NOTCH4: variants seen among roughly 807,000 people sequenced by gnomAD.
NOTCH4 encodes neurogenic locus notch homolog protein 4.
NOTCH4 carries 138 observed loss-of-function variants against 189.0 expected under a neutral mutation model. The ratio of observed to expected loss-of-function variants is 0.73; its 90% confidence interval spans 0.64 to 0.84. The LOEUF (loss-of-function observed/expected upper bound fraction) is 0.84, where lower values mean the gene tolerates loss of function less well. Among genes scored for constraint, NOTCH4 ranks in the 40% least tolerant of loss-of-function variants. NOTCH4 has a pLI of 0.00. For synonymous variants in NOTCH4, 942 were observed against 1,032.8 expected (o/e 0.91, Z 1.69); for missense variants, 2,286 against 2,605.4 (o/e 0.88, Z 2.67).
rs776140208 is a variant in NOTCH4, at chr6:32,202,032, A to C, written c.3755+44T>G. ...CATCTACGTCCTTCCTCCTCCTCTC[A>C]CCCACCCCTCTCCTTCCCTGGCTCC... On this transcript the variant is annotated intron_variant, in intron 21 of 29. Transcript: ENST00000375023. This position sits in a 1 kb window ranked among gnomAD's most constrained non-coding sequence, Gnocchi z 5.7. The C allele has an allele frequency of 7.0e-7, 1 of 1,422,674 alleles. No homozygotes were observed. 88.1% of individuals were successfully genotyped at this position (1,422,674 alleles called of 1,614,324 possible).
rs890052894 is a variant in NOTCH4 at position 32,200,953 on chromosome 6, G to A, written c.4193C>T (p.Ala1398Val). The change falls in exon 23 of 30, where the codon GCA becomes GTA. Residue 1398 changes from alanine to valine, a missense_variant. This residue lies in a region of NOTCH4 where 1,903 missense variants were observed against 2,261.9 expected (regional missense o/e 0.84). Transcript: ENST00000375023. The surrounding 1 kb of genome is among the most constrained non-coding windows in gnomAD (Gnocchi z 5.0). ...DLSRCGPDHPASRCPWDPGLL... is the reference protein window; with the variant it reads ...DLSRCGPDHPVSRCPWDPGLL... ...CCCAGGGTCCCAGGGACAGCGGGATGCCGGGTGGTCAGGGCCACAGCGGGA... is the reference window on the plus strand; with the variant it reads ...CCCAGGGTCCCAGGGACAGCGGGATACCGGGTGGTCAGGGCCACAGCGGGA... The A allele has an allele frequency of 2.5e-6, 4 of 1,604,012 alleles. No homozygotes were observed. The highest frequency in any genetic ancestry group is 1.3e-5 in the African/African-American group (1 of 74,808).
In NOTCH4 at chr6:32,198,849, T is replaced by A. The variant is rs1582773281; in HGVS notation, c.4535+77A>T. 1 of 1,469,908 alleles carries A rather than the reference T, an allele frequency of 6.8e-7. No homozygotes were observed. The highest frequency in any genetic ancestry group is 2.3e-5 in the East Asian group (1 of 43,936). The allele number at this position is 1,469,908 out of a possible 1,614,324, so 91.1% of individuals were successfully genotyped here. On this transcript the variant is annotated intron_variant, in intron 24 of 29. Transcript: ENST00000375023. The surrounding 1 kb of genome is among the most constrained non-coding windows in gnomAD (Gnocchi z 5.5). Reference sequence around the variant, plus strand: ...CTATCTTTGACTTCTGCAATAGTATTTCTTATCTTTTCTGATTGTAAATAT... The same window carrying A: ...CTATCTTTGACTTCTGCAATAGTATATCTTATCTTTTCTGATTGTAAATAT...
In NOTCH4 at chr6:32,219,614, G is replaced by A. The variant is rs143705387; in HGVS notation, c.1488C>T (p.Thr496=). The part of the protein sequence containing the change: ...PGSTCLDLLA[T]FHCLCPPGLE... ...TACCTGGCGGGCAGAGGCAGTGGAA[G>A]GTGGCAAGTAGGTCCAGACAGGTGC... is the stretch of plus-strand genomic sequence containing the variant. The change falls in exon 8 of 30, where the codon ACC becomes ACT. Residue 496 remains threonine, a synonymous_variant. Transcript: ENST00000375023. The A allele has an allele frequency of 5.8e-4, 932 of 1,612,990 alleles. No individual in the cohort carries two copies. The highest frequency in any genetic ancestry group is 2.0e-3 in the African/African-American group (149 of 75,040).
chr6:32,218,973 C>T (rs1305143121), intron 8 of NOTCH4, among the ~76,000 whole-genome samples: 1 of 152,188 alleles, frequency 6.6e-6, no homozygotes. Context: ...GTAGATGAGA[C>T]AATGCCTGTA....
At position 32,201,583 on chromosome 6, in the gene NOTCH4, G is replaced by C. The variant is rs1788358030; in HGVS notation, c.3756-83C>G. 5.0e-6 allele frequency: 7 copies of C among 1,386,784 alleles called. No individual in the cohort carries two copies. Among genetic ancestry groups the C allele is most frequent in the Non-Finnish European group, 6.6e-6 (7 of 1,058,564 alleles). The allele number at this position is 1,386,784 out of a possible 1,614,324, so 85.9% of individuals were successfully genotyped here. On this transcript the variant is annotated intron_variant, in intron 21 of 29. Transcript: ENST00000375023. The surrounding 1 kb of genome is among the most constrained non-coding windows in gnomAD (Gnocchi z 5.5). ...CCCTAGAAAGAATTCCCCATATTTTGTGCCCTCTAGGGCTTTGGTTGCTAA... is the reference window on the plus strand; with the variant it reads ...CCCTAGAAAGAATTCCCCATATTTTCTGCCCTCTAGGGCTTTGGTTGCTAA...
Position 32,196,954 on chromosome 6 carries a change from T to TGG in NOTCH4, c.5169_5170dup (p.Gln1724ProfsTer22), listed in dbSNP as rs1182609047. On this transcript the variant is annotated frameshift_variant, in exon 28 of 30. Coordinates refer to ENST00000375023, the MANE Select transcript of NOTCH4 (RefSeq NM_004557.4). LOFTEE classifies it high-confidence loss of function. ...TTTATCTCTGGCCCCCACGTCTGCT[T>TGG]GGGCTGCAATCAGTTCTTCAACCAG... 6.2e-7 allele frequency: 1 copy of TGG among 1,612,884 alleles called. No individual in the cohort carries two copies. The highest frequency in any genetic ancestry group is 8.5e-7 in the Non-Finnish European group (1 of 1,180,036).
chr6:32,201,240 A>G lies in NOTCH4; in HGVS notation c.4016T>C (p.Val1339Ala). The G allele has an allele frequency of 1.2e-6, 2 of 1,612,948 alleles. No homozygotes were observed. The highest frequency in any genetic ancestry group is 1.7e-6 in the Non-Finnish European group (2 of 1,179,998). ...AGCCCGGGCCCCAGGATAGGGGTAC[A>G]CCATGTCCCTGCCATCACGATCCTT... is the stretch of plus-strand genomic sequence containing the variant. ...VRKDRDGRDM[V>A]YPYPGARAEE... The change falls in exon 22 of 30, where the codon GTG becomes GCG. Residue 1339 changes from valine (V) to alanine (A), a missense_variant. Around this residue, in one of 2 missense-constraint regions of NOTCH4, gnomAD observed 1,903 missense variants for 2,261.9 expected, o/e 0.84. Transcript: ENST00000375023. This position sits in a 1 kb window ranked among gnomAD's most constrained non-coding sequence, Gnocchi z 5.5.
At chr6:32,218,224 G>T in intron 8 of NOTCH4, 116 bp from the exon 9 acceptor site, 1 of 689,514 alleles carries the variant, frequency 1.5e-6, no homozygotes, top group Non-Finnish European at 2.6e-6. Context: ...CCCCCGAGGT[G>T]CTGTCTGCAT....
rs2127458163 is a variant in NOTCH4, at chr6:32,195,719, G to A, written c.5730C>T (p.Thr1910=). The A allele has an allele frequency of 2.5e-6, 4 of 1,612,834 alleles. No individual in the cohort carries two copies. Among genetic ancestry groups the A allele is most frequent in the Non-Finnish European group, 3.4e-6 (4 of 1,179,924 alleles). The stretch of plus-strand genomic sequence containing the variant: ...CTGCAGAAAACCTACGGCCGCGAGG[G>A]GTCGGGCCTCCTCCTGCTCCTACTC... The part of the protein sequence containing the change: ...LSGVGAGGGP[T]PRGRRFSAGM... The change falls in exon 30 of 30, where the codon ACC becomes ACT. Residue 1910 remains threonine (T), a synonymous_variant. Transcript: ENST00000375023. This position sits in a 1 kb window ranked among gnomAD's most constrained non-coding sequence, Gnocchi z 5.4.
rs112708318 is a variant in NOTCH4, at chr6:32,199,703, C to CAAAAAAAACA, written c.4316-559_4316-558insTGTTTTTTTT. On this transcript the variant is annotated intron_variant, in intron 23 of 29. Coordinates refer to ENST00000375023, the MANE Select transcript of NOTCH4 (RefSeq NM_004557.4). This position sits in a 1 kb window ranked among gnomAD's most constrained non-coding sequence, Gnocchi z 4.9. ...TGGGCGACAAGGCAAGACTCTGTCTCAAACAAAACAAAACAAAAACAAAAA... is the reference window on the plus strand; with the variant it reads ...TGGGCGACAAGGCAAGACTCTGTCTCAAAAAAAACAAAACAAAACAAAACAAAAACAAAAA... 4.5e-4 allele frequency among the ~76,000 whole-genome samples: 68 copies of CAAAAAAAACA among 150,608 alleles called. No individual in the cohort carries two copies. Among genetic ancestry groups the CAAAAAAAACA allele is most frequent in the Non-Finnish European group, 8.6e-4 (58 of 67,716 alleles).
rs1331335302 is a variant in NOTCH4, at chr6:32,212,903, C to T, written c.2447G>A (p.Arg816Lys). The T allele has an allele frequency of 6.4e-7, 1 of 1,562,212 alleles. No individual in the cohort carries two copies. Among genetic ancestry groups the T allele is most frequent in the African/African-American group, 1.4e-5 (1 of 73,732 alleles). ...GCTGTCCTGGCAGGTTGCCCTATTCCTACAGGGGCTGAACAAGACAGAGAC... is the reference window on the plus strand; with the variant it reads ...GCTGTCCTGGCAGGTTGCCCTATTCTTACAGGGGCTGAACAAGACAGAGAC... Reference protein sequence around the residue: ...LRPSCADSPCRNRATCQDSPQ... With the variant: ...LRPSCADSPCKNRATCQDSPQ... Residue 816 changes from arginine (R) to lysine (K), a missense_variant, in exon 16 of 30, where the codon AGG (arginine) becomes AAG (lysine). Physicochemically the swap from Arg to Lys is conservative, Grantham distance 26. Around this residue, in one of 2 missense-constraint regions of NOTCH4, gnomAD observed 1,903 missense variants for 2,261.9 expected, o/e 0.84. Coordinates refer to ENST00000375023, the MANE Select transcript of NOTCH4 (RefSeq NM_004557.4). This position sits in a 1 kb window ranked among gnomAD's most constrained non-coding sequence, Gnocchi z 4.4.
In NOTCH4 at chr6:32,223,026, G is replaced by A. The variant is rs751977355; in HGVS notation, c.134C>T (p.Ser45Phe). 10 of 1,613,622 alleles carry A rather than the reference G, an allele frequency of 6.2e-6. No individual in the cohort carries two copies. The Admixed American group carries it at 1.7e-4, about 27-fold the overall frequency. Residue 45 changes from serine to phenylalanine, a missense_variant, in exon 2 of 30, where the codon TCT becomes TTT. Ser to Phe is a radical substitution (Grantham distance 155). Around this residue, in one of 2 missense-constraint regions of NOTCH4, gnomAD observed 1,903 missense variants for 2,261.9 expected, o/e 0.84. Coordinates refer to ENST00000375023, the MANE Select transcript of NOTCH4 (RefSeq NM_004557.4). ...CANGGTCLSLSLGQGTCQCAP... is the reference protein window; with the variant it reads ...CANGGTCLSLFLGQGTCQCAP... ...TCACTGGCAGGTCCCTTGTCCCAGA[G>A]ACAGGCTCAGGCAGGTGCCTCCATT...
chr6:32,211,258 TCAAACAAACAAACAAA>T (rs56957733), intron 17 of NOTCH4, among the ~76,000 whole-genome samples: 2 of 145,956 alleles, frequency 1.4e-5, no homozygotes, highest in African/African-American at 5.1e-5. Context: ...AGACTCCATC[TCAAACAAACAAACAAA>T]CAAACAAACA....
rs1275796675 is a variant in NOTCH4 at position 32,199,127 on chromosome 6, A to G, written c.4334T>C (p.Leu1445Pro). The G allele has an allele frequency of 6.3e-7, 1 of 1,599,928 alleles. No individual in the cohort carries two copies. Reference sequence around the variant, plus strand: ...TGGGGAGCACAGCACAGGCCAGGGAAGCTGGTTGGCAGGGGGTGCTGGTGG... The same window carrying G: ...TGGGGAGCACAGCACAGGCCAGGGAGGCTGGTTGGCAGGGGGTGCTGGTGG... Reference protein sequence around the residue: ...HAGTAPPANQLPWPVLCSPVA... With the variant: ...HAGTAPPANQPPWPVLCSPVA... Residue 1445 changes from leucine to proline, a missense_variant, in exon 24 of 30, where the codon CTT becomes CCT. Leu to Pro is a moderately conservative substitution (Grantham distance 98). Transcript: ENST00000375023. The surrounding 1 kb of genome is among the most constrained non-coding windows in gnomAD (Gnocchi z 4.9).
Position 32,219,740 on chromosome 6 carries a change from G to A in NOTCH4, c.1362C>T (p.Asn454=). Residue 454 remains asparagine, a synonymous_variant, in exon 8 of 30, where the codon AAC becomes AAT. Transcript: ENST00000375023. ...AGAGGCAGTTGAAGGAGCCAGGAGT[G>A]TTGAGGCAGGAACCGCCATGTTCAC... ...SPCEHGGSCL[N]TPGSFNCLCP... 1.2e-6 allele frequency: 2 copies of A among 1,613,058 alleles called. No homozygotes were observed. Among genetic ancestry groups the A allele is most frequent in the Non-Finnish European group, 1.7e-6 (2 of 1,179,928 alleles).
Position 32,199,275 on chromosome 6 carries a change from T to C in NOTCH4, c.4316-130A>G, listed in dbSNP as rs1009227594. 1 of 679,630 alleles carries C rather than the reference T, an allele frequency of 1.5e-6. No individual in the cohort carries two copies. The highest frequency in any genetic ancestry group is 3.0e-5 in the East Asian group (1 of 33,094). 42.1% of individuals were successfully genotyped at this position (679,630 alleles called of 1,614,324 possible). On this transcript the variant is annotated intron_variant, in intron 23 of 29. Transcript: ENST00000375023. This position sits in a 1 kb window ranked among gnomAD's most constrained non-coding sequence, Gnocchi z 4.9. ...CTTATCTGCAAAATGGGGATGATAA[T>C]ATAGATTGAGGTTGGGCACAGTGGC...
chr6:32,217,306 C>T lies in NOTCH4; in HGVS notation c.1625-40G>A. ...GTGGGTGGGGAGAGGAGGCCAAGGT[C>T]ATCGAGGGAGGCACAGCATGGCGCC... On this transcript the variant is annotated intron_variant, in intron 9 of 29. Coordinates refer to ENST00000375023, the MANE Select transcript of NOTCH4 (RefSeq NM_004557.4). This position sits in a 1 kb window ranked among gnomAD's most constrained non-coding sequence, Gnocchi z 4.2. 1.5e-6 allele frequency: 2 copies of T among 1,366,978 alleles called. No homozygotes were observed. Among genetic ancestry groups the T allele is most frequent in the African/African-American group, 2.8e-5 (2 of 70,334 alleles). 84.7% of individuals were successfully genotyped at this position (1,366,978 alleles called of 1,614,324 possible).
chr6:32,213,231 G>T lies in NOTCH4; in HGVS notation c.2342C>A (p.Thr781Asn), dbSNP rs755955485. ...CVSAPCFNGG[T>N]CVNRPGTFSC... ...GAAGGTGCCAGGCCTGTTCACACAGGTACCCCCATTGAAGCACGGGGCTGG... is the reference window on the plus strand; with the variant it reads ...GAAGGTGCCAGGCCTGTTCACACAGTTACCCCCATTGAAGCACGGGGCTGG... The change falls in exon 15 of 30, where the codon ACC (threonine) becomes AAC (asparagine). Residue 781 changes from threonine (T) to asparagine (N), a missense_variant. Thr to Asn is a moderately conservative substitution (Grantham distance 65). Around this residue, in one of 2 missense-constraint regions of NOTCH4, gnomAD observed 1,903 missense variants for 2,261.9 expected, o/e 0.84. Coordinates refer to ENST00000375023, the MANE Select transcript of NOTCH4 (RefSeq NM_004557.4). 4 of 1,613,780 alleles carry T rather than the reference G, an allele frequency of 2.5e-6. No individual in the cohort carries two copies. The African/African-American group carries it at 4.0e-5, about 16-fold the overall frequency.
Position 32,218,051 on chromosome 6 carries a change from A to G in NOTCH4, c.1568T>C (p.Leu523Pro), listed in dbSNP as rs780607020. 1 of 1,613,980 alleles carries G rather than the reference A, an allele frequency of 6.2e-7. No individual in the cohort carries two copies. The highest frequency in any genetic ancestry group is 8.5e-7 in the Non-Finnish European group (1 of 1,179,948). The part of the protein sequence containing the change: ...ETNECASAPC[L>P]NHADCHDLLN... ...CAGGTCATGGCAATCCGCGTGGTTC[A>G]GGCAGGGAGCTGAGGCACACTCGTT... is the stretch of plus-strand genomic sequence containing the variant. Residue 523 changes from leucine to proline, a missense_variant, in exon 9 of 30, where the codon CTG (leucine) becomes CCG (proline). Transcript: ENST00000375023.
Sources: gnomAD v4.1 joint callset for allele counts (sites outside exome capture counted in the v4.1 genomes callset) on GRCh38, gnomAD v4.1.1 for gene constraint, gnomAD v4.1.1 regional missense constraint, Gnocchi (gnomAD v3.1) non-coding constraint, MANE v1.5 for transcripts, NCBI Gene and HGNC (gene_info 2026-07-23, HGNC 2026-07-21) for gene names.